The following ZC3H6 variants were observed in gnomAD, a reference collection of about 807,000 sequenced individuals.
The protein encoded by ZC3H6 is zinc finger CCCH domain-containing protein 6.
ZC3H6 carries 40 observed loss-of-function variants against 107.7 expected under a neutral mutation model. The ratio of observed to expected loss-of-function variants is 0.37; its 90% CI spans 0.29 to 0.48. ZC3H6 has a LOEUF of 0.48. Ranked by LOEUF, ZC3H6 falls within the 20% of genes least tolerant of loss-of-function variation. The pLI, the probability that ZC3H6 is intolerant of heterozygous loss-of-function variation, is 0.98. For missense variants in ZC3H6, 1,267 were observed against 1,410.4 expected (o/e 0.90, Z 1.63); for synonymous variants, 493 against 487.9 (o/e 1.01, Z -0.14).
At chr2:112,325,260 G>A (rs1175148821) in intron 11 of ZC3H6, 63 bp downstream of exon 11, 15 of 1,473,306 alleles carry the variant, frequency 1.0e-5, no homozygotes, top group Non-Finnish European at 1.4e-5. Flanking sequence ...TTAAATGGCC[G>A]AGGCAGGTGA....
In ZC3H6 at chr2:112,321,813, G is replaced by A; in HGVS notation, c.1034G>A (p.Cys345Tyr). The A allele has an allele frequency of 6.5e-7, 1 of 1,549,882 alleles. No homozygotes were observed. The highest frequency in any genetic ancestry group is 2.3e-5 in the East Asian group (1 of 42,672). Residue 345 changes from cysteine (C) to tyrosine (Y), a missense_variant, in exon 8 of 12, where the codon TGT (cysteine) becomes TAT (tyrosine). Physicochemically the swap from Cys to Tyr is radical, Grantham distance 194. Around this residue, in one of 3 missense-constraint regions of ZC3H6, gnomAD observed 925 missense variants for 1,025.7 expected, o/e 0.90. Transcript: ENST00000409871. ...GCAAAATGTTACCAGGGAGACAACTGTAAATTTTCCCATGATGATCTAACT... is the reference window on the plus strand; with the variant it reads ...GCAAAATGTTACCAGGGAGACAACTATAAATTTTCCCATGATGATCTAACT... ...SGAKCYQGDN[C>Y]KFSHDDLTKE... is the part of the protein sequence containing the mutation.
At chr2:112,278,010 A>T (rs1259099558) in intron 1 of ZC3H6, among the ~76,000 whole-genome samples, 2 of 152,188 alleles carry the variant, frequency 1.3e-5, no homozygotes, top group African/African-American at 4.8e-5. Flanking sequence ...AATATGTGCC[A>T]AATTGAGAAC....
At chr2:112,301,539 C>T (rs2104706353) in intron 2 of ZC3H6, among the ~76,000 whole-genome samples, 1 of 152,106 alleles carries the variant, frequency 6.6e-6, no homozygotes, top group East Asian at 1.9e-4. Flanking sequence ...ATTTTTTTCA[C>T]ATGAGAAGCA....
intron 1 of ZC3H6, among the ~76,000 whole-genome samples, chr2:112,276,359 C>T (rs924733614): frequency 3.3e-5 from 5 of 151,746 alleles, no homozygotes; most frequent in Admixed American, 2.6e-4. Flanking sequence ...TGCTTCTGCC[C>T]GTCCAGGTGT....
chr2:112,275,617 G>A lies in ZC3H6; in HGVS notation c.-378G>A, dbSNP rs1573940973. 1 of 401,412 alleles carries A rather than the reference G, an allele frequency of 2.5e-6. No individual in the cohort carries two copies. The highest frequency in any genetic ancestry group is 4.4e-6 in the Non-Finnish European group (1 of 226,934). The allele number at this position is 401,412 out of a possible 1,614,324, so 24.9% of individuals were successfully genotyped here. A position where few individuals can be genotyped will look rare whatever the true frequency, so the allele number is the denominator to read the frequency against. On this transcript the variant is annotated 5_prime_UTR_variant, in exon 1 of 12. Coordinates refer to ENST00000409871, the MANE Select transcript of ZC3H6 (RefSeq NM_198581.3). ...CCGGCGCCATTTTCTCGAGCCGCCT[G>A]TTTCGGGTGCCGCCATGTTGGTGAG...
At chr2:112,290,921 T>C (rs1676100797) in intron 1 of ZC3H6, among the ~76,000 whole-genome samples, 1 of 151,002 alleles carries the variant, frequency 6.6e-6, no homozygotes, top group Non-Finnish European at 1.5e-5. Flanking sequence ...GTGTCTGCCA[T>C]ATCAAGTACT....
At chr2:112,282,102 C>T (rs191958255) in intron 1 of ZC3H6, among the ~76,000 whole-genome samples, 108 of 152,328 alleles carry the variant, frequency 7.1e-4, no homozygotes, top group South Asian at 1.0e-3. Flanking sequence ...TTGGCAAACT[C>T]ACCACTCAAG....
chr2:112,276,963 G>A lies in ZC3H6; in HGVS notation c.32+937G>A, dbSNP rs6542049. Among the ~76,000 whole-genome samples, 987 of 152,332 alleles carry A rather than the reference G, an allele frequency of 6.5e-3. 9 individuals are homozygous for A. The highest frequency in any genetic ancestry group is 0.022 in the African/African-American group (910 of 41,568). On this transcript the variant is annotated intron_variant, in intron 1 of 11. Transcript: ENST00000409871. ...ATTACTCCTTTGTGAATAGAAGTAA[G>A]AAAAAATATACGTTTTACTATAGAC...
At chr2:112,282,437 A>T (rs974119080) in intron 1 of ZC3H6, among the ~76,000 whole-genome samples, 4 of 152,236 alleles carry the variant, frequency 2.6e-5, no homozygotes, top group Admixed American at 6.5e-5. Context: ...AGCACTTGCT[A>T]TGTGACAGGT....
intron 3 of ZC3H6, among the ~76,000 whole-genome samples, chr2:112,309,061 T>G (rs1238235645): frequency 3.3e-5 from 5 of 151,936 alleles, no homozygotes; most frequent in African/African-American, 9.7e-5. Context: ...TCAAAAGAAA[T>G]AAATAAATAA....
At chr2:112,326,976 A>G (rs1321186169) in intron 11 of ZC3H6, among the ~76,000 whole-genome samples, 1 of 152,182 alleles carries the variant, frequency 6.6e-6, no homozygotes, top group African/African-American at 2.4e-5. Flanking sequence ...ATGCTGCAGT[A>G]AATGTGAGAG....
At chr2:112,329,040 A>C (rs1676969670) in intron 11 of ZC3H6, among the ~76,000 whole-genome samples, 2 of 152,162 alleles carry the variant, frequency 1.3e-5, no homozygotes, top group Admixed American at 1.3e-4. Context: ...TTTATTCTAT[A>C]ATGTTATATA....
At chr2:112,306,338 A>T (rs1250075323) in intron 3 of ZC3H6, among the ~76,000 whole-genome samples, 1 of 151,948 alleles carries the variant, frequency 6.6e-6, no homozygotes, top group East Asian at 1.9e-4. Flanking sequence ...ACACTTGGCT[A>T]ATTTTTGTAT....
Position 112,318,575 on chromosome 2 carries a change from A to C in ZC3H6, c.976+1243A>C, listed in dbSNP as rs1243296232. Among the ~76,000 whole-genome samples the C allele has an allele frequency of 3.3e-5, 5 of 152,202 alleles. 1 individual carries two copies. The highest frequency in any genetic ancestry group is 1.2e-4 in the African/African-American group (5 of 41,448). On this transcript the variant is annotated intron_variant, in intron 7 of 11. Coordinates refer to ENST00000409871, the MANE Select transcript of ZC3H6 (RefSeq NM_198581.3). ...GGAATGTAATTTAAGCTACACTGAG[A>C]TAACATTTGCAGCTGTGTCACGTTT...
intron 1 of ZC3H6, among the ~76,000 whole-genome samples, chr2:112,290,714 A>G (rs1676097253): frequency 6.6e-6 from 1 of 151,884 alleles, no homozygotes; most frequent in Admixed American, 6.6e-5. Context: ...TTTAAGAATT[A>G]TGGCTGCAGA....
At chr2:112,309,043 ACT>A (rs1310610619) in intron 3 of ZC3H6, among the ~76,000 whole-genome samples, 1 of 152,052 alleles carries the variant, frequency 6.6e-6, no homozygotes, top group Non-Finnish European at 1.5e-5. Context: ...CAAGAGCGAG[ACT>A]CTGTCTCAAA....
chr2:112,300,153 G>A (rs536160856), intron 2 of ZC3H6, 124 bp downstream of exon 2: 41 of 613,198 alleles, frequency 6.7e-5, no homozygotes, highest in Non-Finnish European at 9.9e-5. Context: ...TCATTTATGT[G>A]ATTAAACTTT....
chr2:112,312,885 A>C (rs2104714425), intron 5 of ZC3H6, among the ~76,000 whole-genome samples: 1 of 150,176 alleles, frequency 6.7e-6, no homozygotes, highest in East Asian at 2.0e-4. Context: ...AAAAAGCTGC[A>C]ACTTTGTGTG....
rs779272053 is a variant in ZC3H6 at position 112,303,363 on chromosome 2, T to G, written c.336+12T>G. ...TTCCATTTACTCAGGTATTGCCATT[T>G]TTTTGTTTTGTGATAAAACATAGAT... is the stretch of plus-strand genomic sequence containing the variant. On this transcript the variant is annotated intron_variant, in intron 3 of 11. Coordinates refer to ENST00000409871, the MANE Select transcript of ZC3H6 (RefSeq NM_198581.3). The G allele has an allele frequency of 6.2e-7, 1 of 1,608,064 alleles. No individual in the cohort carries two copies. The highest frequency in any genetic ancestry group is 1.1e-5 in the South Asian group (1 of 90,356).
Sources: allele counts gnomAD v4.1 joint callset (sites outside exome capture counted in the v4.1 genomes callset), GRCh38; gene constraint gnomAD v4.1.1; regional missense constraint gnomAD v4.1.1; transcripts MANE v1.5; gene names NCBI Gene and HGNC (gene_info 2026-07-23, HGNC 2026-07-21).